The following XYLB variants were observed in gnomAD, a reference collection of about 807,000 sequenced individuals.
XYLB encodes the protein xylulokinase.
In XYLB, 62 loss-of-function variants were observed where a neutral mutation model predicts 78.7. The observed-to-expected ratio is 0.79, with a 90% confidence interval of 0.64 to 0.97. The LOEUF (loss-of-function observed/expected upper bound fraction) is 0.97, where lower values mean the gene tolerates loss of function less well. Ranked by LOEUF, XYLB falls within the 50% of genes least tolerant of loss-of-function variation. XYLB has a pLI of 0.00. For synonymous variants in XYLB, 245 were observed against 247.4 expected (o/e 0.99, Z 0.09); for missense variants, 687 against 676.8 (o/e 1.02, Z -0.17).
At chr3:38,416,401 A>G (rs1234590864), downstream of XYLB, among the ~76,000 whole-genome samples, 1 of 152,222 alleles carries the variant, frequency 6.6e-6, no homozygotes, top group African/African-American at 2.4e-5. Context: ...GTAAATCATC[A>G]ATGCTCAAAG....
At chr3:38,348,022 A>G (rs1381908732) in intron 1 of XYLB, among the ~76,000 whole-genome samples, 3 of 152,212 alleles carry the variant, frequency 2.0e-5, no homozygotes, top group African/African-American at 7.2e-5. Flanking sequence ...GCTGGACCTC[A>G]GTTTTCCCAT....
chr3:38,405,214 G>A (rs972476786), intron 18 of XYLB, among the ~76,000 whole-genome samples: 4 of 151,752 alleles, frequency 2.6e-5, no homozygotes. Flanking sequence ...AAATGTATGT[G>A]CATACCATTT....
intron 15 of XYLB, among the ~76,000 whole-genome samples, chr3:38,385,584 C>T (rs1220723784): frequency 6.6e-6 from 1 of 152,186 alleles, no homozygotes; most frequent in East Asian, 1.9e-4. Context: ...ATTTACATAA[C>T]ATATCTTTCA....
At chr3:38,372,865 A>G (rs1706645788) in intron 10 of XYLB, 129 bp downstream of exon 10, 1 of 1,007,086 alleles carries the variant, frequency 9.9e-7, no homozygotes, top group Admixed American at 2.0e-5. Flanking sequence ...CCCATGCTGG[A>G]TGTTTGAGAA....
intron 1 of XYLB, 63 bp downstream of exon 1, chr3:38,346,988 G>A (rs1354989521): frequency 3.0e-6 from 4 of 1,349,888 alleles, no homozygotes; most frequent in Middle Eastern, 2.7e-4. Context: ...GGTAGGGGGC[G>A]GGCTGTCACC....
At chr3:38,360,228 GT>G in intron 2 of XYLB, 110 bp from the exon 3 acceptor site, 1 of 1,032,732 alleles carries the variant, frequency 9.7e-7, no homozygotes, top group Non-Finnish European at 1.5e-6. Context: ...GTTGGGGAAG[GT>G]TCTCCTTCAT....
chr3:38,440,101 C>T, the XYLB span, among the ~76,000 whole-genome samples: 3 of 152,186 alleles, frequency 2.0e-5, no homozygotes, highest in Non-Finnish European at 4.4e-5. Flanking sequence ...CCATTCCTAA[C>T]CCTATAAGTA....
chr3:38,423,234 G>A (rs184586226), downstream of XYLB, among the ~76,000 whole-genome samples: 5 of 152,126 alleles, frequency 3.3e-5, no homozygotes, highest in East Asian at 1.9e-4. Context: ...CACCACGCCC[G>A]GCTAATTTTT....
At chr3:38,445,901 C>T in the XYLB span, among the ~76,000 whole-genome samples, 4 of 152,172 alleles carry the variant, frequency 2.6e-5, no homozygotes, top group African/African-American at 7.2e-5. Flanking sequence ...GTACTCACTG[C>T]TTGACGATAG....
At position 38,360,399 on chromosome 3, in the gene XYLB, G is replaced by A. The variant is rs1705900748; in HGVS notation, c.201G>A (p.Met67Ile). Residue 67 changes from methionine to isoleucine, a missense_variant, in exon 3 of 19, where the codon ATG becomes ATA. Transcript: ENST00000207870. Reference protein sequence around the residue: ...DGLTVTSPVLMWVQALDIILE... With the variant: ...DGLTVTSPVLIWVQALDIILE... ...TGACGGTCACTTCTCCAGTACTAAT[G>A]TGGGTCCAGGTAAGCGCAGGGATTC... is the stretch of plus-strand genomic sequence containing the variant. 1.9e-6 allele frequency: 3 copies of A among 1,604,744 alleles called. No homozygotes were observed. Among genetic ancestry groups the A allele is most frequent in the East Asian group, 2.2e-5 (1 of 44,474 alleles).
At chr3:38,399,060 A>T (rs530563332) in intron 17 of XYLB, among the ~76,000 whole-genome samples, 108 of 152,112 alleles carry the variant, frequency 7.1e-4, no homozygotes, top group African/African-American at 2.4e-3. Flanking sequence ...AAAAACAAAA[A>T]AAAACAAACT....
chr3:38,387,172 G>T (rs1437054627), intron 15 of XYLB, among the ~76,000 whole-genome samples: 1 of 152,092 alleles, frequency 6.6e-6, no homozygotes, highest in African/African-American at 2.4e-5. Flanking sequence ...GGATCTGTGG[G>T]TTAATGTCTT....
chr3:38,400,848 C>T, intron 17 of XYLB, 43 bp from the exon 18 acceptor site: 1 of 1,566,306 alleles, frequency 6.4e-7, no homozygotes, highest in East Asian at 2.2e-5. Flanking sequence ...TTAACGTCTT[C>T]ACTTGCAACA....
chr3:38,397,693 A>G (rs543950002), intron 17 of XYLB, among the ~76,000 whole-genome samples: 11 of 152,258 alleles, frequency 7.2e-5, no homozygotes, highest in Admixed American at 1.3e-4. Flanking sequence ...CTGCAAGGGC[A>G]GTCCTTCAAG....
chr3:38,395,425 C>A, intron 15 of XYLB, 80 bp from the exon 16 acceptor site: 1 of 1,328,604 alleles, frequency 7.5e-7, no homozygotes, highest in Non-Finnish European at 1.1e-6. Context: ...CCCTCTGTAG[C>A]TGAAGAACTC....
At chr3:38,366,934 G>T in intron 7 of XYLB, 61 bp downstream of exon 7, 1 of 1,147,672 alleles carries the variant, frequency 8.7e-7, no homozygotes, top group South Asian at 1.3e-5. Flanking sequence ...TAATATGTTA[G>T]AATAGATACA....
At chr3:38,388,418 A>G (rs113804483) in intron 15 of XYLB, among the ~76,000 whole-genome samples, 6,295 of 152,154 alleles carry the variant, frequency 0.041, 260 homozygotes, top group African/African-American at 0.11. Flanking sequence ...GAAGTAATGC[A>G]TAAGTTAATT....
Position 38,365,239 on chromosome 3 carries a change from C to T in XYLB, c.332C>T (p.Ala111Val). ...SIYWKAGAQQ[A>V]LTSLSPDLRL... is the part of the protein sequence containing the mutation. ...TACTGGAAGGCTGGAGCCCAGCAGGCACTGACAAGCTTATCACCAGACCTC... is the reference window on the plus strand; with the variant it reads ...TACTGGAAGGCTGGAGCCCAGCAGGTACTGACAAGCTTATCACCAGACCTC... The change falls in exon 5 of 19, where the codon GCA becomes GTA. Residue 111 changes from alanine to valine, a missense_variant. Ala to Val is a moderately conservative substitution (Grantham distance 64, BLOSUM62 0). Coordinates refer to ENST00000207870, the MANE Select transcript of XYLB (RefSeq NM_005108.4). The T allele has an allele frequency of 6.2e-7, 1 of 1,614,230 alleles. No individual in the cohort carries two copies. Among genetic ancestry groups the T allele is most frequent in the Non-Finnish European group, 8.5e-7 (1 of 1,180,038 alleles).
chr3:38,400,052 C>T (rs6809970), intron 17 of XYLB, among the ~76,000 whole-genome samples: 1 of 152,070 alleles, frequency 6.6e-6, no homozygotes, highest in African/African-American at 2.4e-5. Flanking sequence ...TTCAGAGGGC[C>T]CTTCTTCACT....
Sources: gnomAD v4.1 joint callset for allele counts (sites outside exome capture counted in the v4.1 genomes callset) on GRCh38, gnomAD v4.1.1 for gene constraint, MANE v1.5 for transcripts, NCBI Gene and HGNC (gene_info 2026-07-23, HGNC 2026-07-21) for gene names.